KIAA1671: variants seen among roughly 807,000 people sequenced by gnomAD.
KIAA1671 encodes KIAA1671, also known as uncharacterized protein KIAA1671.
In KIAA1671, 52 loss-of-function variants were observed where a neutral mutation model predicts 131.2. The ratio of observed to expected loss-of-function variants is 0.40; its 90% CI spans 0.32 to 0.50. The LOEUF (loss-of-function observed/expected upper bound fraction) is 0.50. Among genes scored for constraint, KIAA1671 ranks in the 20% least tolerant of loss-of-function variants. KIAA1671 has a pLI of 0.73. For synonymous variants in KIAA1671, 1,003 were observed against 961.6 expected (o/e 1.04, Z -0.80); for missense variants, 2,360 against 2,364.2 (o/e 1.00, Z 0.04).
At chr22:24,985,467 G>A (rs527610350) in intron 1 of KIAA1671, among the ~76,000 whole-genome samples, 2 of 152,100 alleles carry the variant, frequency 1.3e-5, no homozygotes, top group African/African-American at 4.8e-5. Flanking sequence ...AGCCTCCCGA[G>A]TAGCTGGGAC....
At chr22:24,985,778 G>A (rs1388098813) in intron 1 of KIAA1671, among the ~76,000 whole-genome samples, 2 of 151,764 alleles carry the variant, frequency 1.3e-5, no homozygotes, top group Non-Finnish European at 2.9e-5. Flanking sequence ...GTATGGTGAG[G>A]GGAGAGAGAG....
intron 6 of KIAA1671, among the ~76,000 whole-genome samples, chr22:25,090,258 T>C (rs1929959764): frequency 6.6e-6 from 1 of 152,220 alleles, no homozygotes; most frequent in African/African-American, 2.4e-5. Context: ...GTAATTTCTT[T>C]CGTCAGTCCC....
At chr22:25,089,627 T>C (rs937617110) in intron 6 of KIAA1671, among the ~76,000 whole-genome samples, 5 of 152,200 alleles carry the variant, frequency 3.3e-5, no homozygotes, top group African/African-American at 1.2e-4. Flanking sequence ...GTTATCAATG[T>C]CCTGACTTTT....
intron 4 of KIAA1671, among the ~76,000 whole-genome samples, chr22:25,037,432 A>G (rs778638567): frequency 2.0e-5 from 3 of 152,098 alleles, no homozygotes; most frequent in Admixed American, 2.0e-4. Context: ...GTGTGTGTAT[A>G]TATTTCAACA....
chr22:25,029,444 G>T lies in KIAA1671; in HGVS notation c.1445G>T (p.Arg482Leu). ...AAAGGGGTTGTGAGCGTTCAGGAAC[G>T]GATCAGAGGCTGGACTGCCGAGAGC... ...PEKGVVSVQE[R>L]IRGWTAESSE... is the part of the protein sequence containing the mutation. Residue 482 changes from arginine (R) to leucine (L), a missense_variant, in exon 3 of 13, where the codon CGG (arginine) becomes CTG (leucine). Transcript: ENST00000358431. 6.4e-7 allele frequency: 1 copy of T among 1,551,374 alleles called. No homozygotes were observed. The highest frequency in any genetic ancestry group is 8.7e-7 in the Non-Finnish European group (1 of 1,146,820).
At chr22:25,013,196 C>T (rs1324973368) in intron 1 of KIAA1671, 1 of 152,104 alleles carries the variant, frequency 6.6e-6, no homozygotes, top group Non-Finnish European at 1.5e-5. Flanking sequence ...CTGGAAGAGG[C>T]CTTATTTAAA....
intron 1 of KIAA1671, among the ~76,000 whole-genome samples, chr22:24,967,678 C>T (rs186253495): frequency 9.9e-5 from 15 of 152,250 alleles, no homozygotes; most frequent in South Asian, 2.1e-4. Flanking sequence ...GAAGCAAAAC[C>T]GTTTCCCTTG....
intron 6 of KIAA1671, among the ~76,000 whole-genome samples, chr22:25,125,614 G>A (rs1201692999): frequency 2.0e-5 from 3 of 152,206 alleles, no homozygotes; most frequent in Non-Finnish European, 2.9e-5. Flanking sequence ...ATAGGGAGCT[G>A]TCCTGGGCAC....
intron 6 of KIAA1671, among the ~76,000 whole-genome samples, chr22:25,141,815 C>T (rs1745993100): frequency 6.6e-6 from 1 of 152,198 alleles, no homozygotes; most frequent in Admixed American, 6.5e-5. Context: ...CTGACTTAGA[C>T]CACAAGTTCA....
At chr22:25,158,207 G>A (rs1294636919) in intron 6 of KIAA1671, among the ~76,000 whole-genome samples, 1 of 152,196 alleles carries the variant, frequency 6.6e-6, no homozygotes, top group East Asian at 1.9e-4. Context: ...ATGGTCCTGT[G>A]ATATATCAAG....
intron 6 of KIAA1671, among the ~76,000 whole-genome samples, chr22:25,072,657 G>A (rs1252921220): frequency 3.3e-5 from 5 of 152,154 alleles, no homozygotes; most frequent in African/African-American, 1.2e-4. Context: ...AGGAAGCCCC[G>A]TGGCCTTGGG....
At chr22:25,141,501 G>A (rs1932807101) in intron 6 of KIAA1671, among the ~76,000 whole-genome samples, 1 of 151,812 alleles carries the variant, frequency 6.6e-6, no homozygotes, top group Non-Finnish European at 1.5e-5. Flanking sequence ...CAAAGTGCTG[G>A]GATTACAGGT....
intron 1 of KIAA1671, among the ~76,000 whole-genome samples, chr22:24,975,541 C>T (rs1922867350): frequency 1.3e-5 from 2 of 152,078 alleles, no homozygotes; most frequent in Non-Finnish European, 2.9e-5. Flanking sequence ...CTTCTGAGTT[C>T]AAGTGCTGAA....
At chr22:25,042,374 C>G (rs1012920811) in intron 5 of KIAA1671, among the ~76,000 whole-genome samples, 44 of 151,246 alleles carry the variant, frequency 2.9e-4, no homozygotes, top group Admixed American at 2.0e-3. Flanking sequence ...TGTGAATGTT[C>G]AAGAAGTATT....
Position 25,039,409 on chromosome 22 carries a change from G to A in KIAA1671, c.2279G>A (p.Arg760His). Residue 760 changes from arginine (R) to histidine (H), a missense_variant, in exon 5 of 13, where the codon CGC (arginine) becomes CAC (histidine). Arg to His is a conservative substitution (Grantham distance 29). Transcript: ENST00000358431. ...CCGGAGGAGAAAGCGGTCACGCTCCGCAGCCTCAGGTCTTGGCTCTCACTG... is the reference window on the plus strand; with the variant it reads ...CCGGAGGAGAAAGCGGTCACGCTCCACAGCCTCAGGTCTTGGCTCTCACTG... ...PAPEEKAVTLRSLRSWLSLKD... is the reference protein window; with the variant it reads ...PAPEEKAVTLHSLRSWLSLKD... The A allele has an allele frequency of 4.5e-6, 7 of 1,551,756 alleles. No homozygotes were observed. Among genetic ancestry groups the A allele is most frequent in the Admixed American group, 2.0e-5 (1 of 51,008 alleles).
intron 4 of KIAA1671, among the ~76,000 whole-genome samples, chr22:25,033,832 G>A (rs1399952204): frequency 2.0e-5 from 3 of 151,532 alleles, no homozygotes; most frequent in East Asian, 3.9e-4. Flanking sequence ...TGCCCGCTTC[G>A]GCCTCCCAAA....
chr22:25,138,621 C>T (rs1932758776), intron 6 of KIAA1671, among the ~76,000 whole-genome samples: 1 of 152,140 alleles, frequency 6.6e-6, no homozygotes, highest in Admixed American at 6.5e-5. Context: ...CATGTACAGC[C>T]CCATCTCTGA....
At chr22:25,010,716 C>G (rs1393129822) in intron 1 of KIAA1671, 1 of 152,152 alleles carries the variant, frequency 6.6e-6, no homozygotes, top group Non-Finnish European at 1.5e-5. Context: ...GCTCCGTGTT[C>G]ATTAAGAATA....
At chr22:25,153,323 A>G (rs1412636463) in intron 6 of KIAA1671, among the ~76,000 whole-genome samples, 2 of 152,086 alleles carry the variant, frequency 1.3e-5, no homozygotes, top group Non-Finnish European at 2.9e-5. Flanking sequence ...CCCCCAGAAC[A>G]TTTGGCCTTG....
Sources: allele counts gnomAD v4.1 joint callset (sites outside exome capture counted in the v4.1 genomes callset), GRCh38; gene constraint gnomAD v4.1.1; transcripts MANE v1.5; gene names NCBI Gene and HGNC (gene_info 2026-07-23, HGNC 2026-07-21).